The following ACHE variants were observed in gnomAD, a reference collection of about 807,000 sequenced individuals.
ACHE encodes acetylcholinesterase.
ACHE carries 19 observed loss-of-function variants against 53.9 expected under a neutral mutation model. The ratio of observed to expected loss-of-function variants is 0.35; its 90% CI spans 0.25 to 0.52. ACHE has a LOEUF of 0.52. ACHE is among the 20% of genes least tolerant of loss of function. The probability of loss-of-function intolerance (pLI) is 0.95; values close to 1 mark genes in which losing one functional copy is unlikely to be tolerated. For missense variants in ACHE, 605 were observed against 849.4 expected, an observed-to-expected ratio of 0.71 and a Z score of 3.58; for synonymous variants, 392 against 378.1, an observed-to-expected ratio of 1.04 and a Z score of -0.43.
In ACHE at chr7:100,892,141, A is replaced by G. The variant is rs573171936; in HGVS notation, c.1553+193T>C. On this transcript the variant is annotated intron_variant, in intron 3 of 4. Coordinates refer to ENST00000241069, the MANE Select transcript of ACHE (RefSeq NM_000665.5). The surrounding 1 kb of genome is among the most constrained non-coding windows in gnomAD (Gnocchi z 5.2). ...ACTTTCCTTTGCCTCTGTCTCTGCA[A>G]GACCCCCTCTGCCTTCTCTGTCTCC... is the stretch of plus-strand genomic sequence containing the variant. Among the ~76,000 whole-genome samples the G allele has an allele frequency of 1.3e-5, 2 of 151,798 alleles. No homozygotes were observed. Among genetic ancestry groups the G allele is most frequent in the African/African-American group, 4.8e-5 (2 of 41,378 alleles).
upstream of ACHE, chr7:100,896,602 C>T: frequency 3.7e-6 from 1 of 268,218 alleles, no homozygotes; most frequent in Non-Finnish European, 8.0e-6. Context: ...CTGGGCGAGG[C>T]CGCACTCCGC....
At chr7:100,891,803 T>C (rs1447927465) in intron 3 of ACHE, among the ~76,000 whole-genome samples, 3 of 148,008 alleles carry the variant, frequency 2.0e-5, no homozygotes, top group African/African-American at 7.6e-5. Context: ...TTTTTTTTTT[T>C]TTCCAGAGAT....
At chr7:100,894,358 G>T in intron 1 of ACHE, 106 bp from the exon 2 acceptor site, 2 of 762,122 alleles carry the variant, frequency 2.6e-6, no homozygotes, top group African/African-American at 1.8e-5. Flanking sequence ...TGCAGAGGAG[G>T]TGGGGCAGGT....
intron 3 of ACHE, 23 bp from the exon 4 acceptor site, chr7:100,891,361 A>T: frequency 6.6e-7 from 1 of 1,506,576 alleles, no homozygotes; most frequent in Non-Finnish European, 8.8e-7. Context: ...GGGAAGGCTC[A>T]GTCCAGACGG....
At chr7:100,896,646 TG>T, upstream of ACHE, 1 of 288,846 alleles carries the variant, frequency 3.5e-6, no homozygotes, top group Non-Finnish European at 7.2e-6. Context: ...CCCCCGCGGG[TG>T]GGTCTGTGCT....
rs71902456 is a variant in ACHE, at chr7:100,891,783, C to CTTTTTT, written c.1554-451_1554-446dup. 7.7e-5 allele frequency among the ~76,000 whole-genome samples: 8 copies of CTTTTTT among 103,472 alleles called. 1 individual carries two copies. Among genetic ancestry groups the CTTTTTT allele is most frequent in the Non-Finnish European group, 7.5e-5 (4 of 53,164 alleles). 67.9% of individuals were successfully genotyped at this position (103,472 alleles called of 152,430 possible). On this transcript the variant is annotated intron_variant, in intron 3 of 4. Coordinates refer to ENST00000241069, the MANE Select transcript of ACHE (RefSeq NM_000665.5). The stretch of plus-strand genomic sequence containing the variant: ...CTCCAACTCCTTTGTCTTGGTCTCC[C>CTTTTTT]TTTTTTTTTTTTTTTTTTTTTTCCA...
At chr7:100,894,339 TC>T (rs1790910846) in intron 1 of ACHE, 87 bp from the exon 2 acceptor site, 6 of 944,546 alleles carry the variant, frequency 6.4e-6, no homozygotes, top group Non-Finnish European at 8.7e-6. Context: ...CCAAGGGTTA[TC>T]GCTCAGCTGC....
intron 1 of ACHE, 74 bp from the exon 2 acceptor site, chr7:100,894,326 G>T: frequency 9.1e-7 from 1 of 1,094,464 alleles, no homozygotes; most frequent in Non-Finnish European, 1.2e-6. Flanking sequence ...GGGCACTGTC[G>T]GCCCAAGGGT....
At position 100,892,487 on chromosome 7, in the gene ACHE, G is replaced by A. The variant is rs771862488; in HGVS notation, c.1400C>T (p.Thr467Met). ...YAYVFEHRAS[T>M]LSWPLWMGVP... is the part of the protein sequence containing the mutation. ...CCCCATCCACAGGGGCCAGGAGAGC[G>A]TGGAAGCACGGTGTTCAAAGACGTA... is the stretch of plus-strand genomic sequence containing the variant. The change falls in exon 3 of 5, where the codon ACG (threonine) becomes ATG (methionine). Residue 467 changes from threonine to methionine, a missense_variant. Coordinates refer to ENST00000241069, the MANE Select transcript of ACHE (RefSeq NM_000665.5). The surrounding 1 kb of genome is among the most constrained non-coding windows in gnomAD (Gnocchi z 5.2). 7 of 1,588,196 alleles carry A rather than the reference G, an allele frequency of 4.4e-6. No homozygotes were observed. The highest frequency in any genetic ancestry group is 2.2e-5 in the South Asian group (2 of 89,396).
rs1158114364 is a variant in ACHE at position 100,892,253 on chromosome 7, G to A, written c.1553+81C>T. 7 of 1,439,472 alleles carry A rather than the reference G, an allele frequency of 4.9e-6. 1 individual carries two copies. The Middle Eastern group carries it at 6.5e-4, about 133-fold the overall frequency. The allele number at this position is 1,439,472 out of a possible 1,614,324, so 89.2% of individuals were successfully genotyped here. A position where few individuals can be genotyped will look rare whatever the true frequency, so the allele number is the denominator to read the frequency against. ...TGCCCCTGTCCCACCCGTCCTTTCT[G>A]TCTCCGTGTGTCTGCCTTTGTGTGT... On this transcript the variant is annotated intron_variant, in intron 3 of 4. Coordinates refer to ENST00000241069, the MANE Select transcript of ACHE (RefSeq NM_000665.5). This position sits in a 1 kb window ranked among gnomAD's most constrained non-coding sequence, Gnocchi z 5.2.
intron 4 of ACHE, chr7:100,890,953 C>T (rs564380667): frequency 1.4e-6 from 2 of 1,470,896 alleles, no homozygotes; most frequent in Non-Finnish European, 1.8e-6. Flanking sequence ...GGGAAGAGGC[C>T]GTGTTCACAG....
chr7:100,891,054 G>A, intron 4 of ACHE, 115 bp downstream of exon 4: 2 of 1,488,288 alleles, frequency 1.3e-6, no homozygotes, highest in Non-Finnish European at 1.8e-6. Context: ...CCTCCCCATG[G>A]GTGAAGCCTG....
chr7:100,893,158 T>TA lies in ACHE; in HGVS notation c.1068+6dup. On this transcript the variant is annotated splice_region_variant and intron_variant, in intron 2 of 4. Transcript: ENST00000241069. Reference sequence around the variant, plus strand: ...AGCCAGCTTCACGCCAGCTAGCCACTAGTTACCTGCAGGCCGTGGAAGTCT... The same window carrying TA: ...AGCCAGCTTCACGCCAGCTAGCCACTAAGTTACCTGCAGGCCGTGGAAGTCT... 6.2e-7 allele frequency: 1 copy of TA among 1,613,378 alleles called. No homozygotes were observed. The highest frequency in any genetic ancestry group is 1.1e-5 in the South Asian group (1 of 90,946).
rs544541845 is a variant in ACHE, at chr7:100,894,514, C to T, written c.-20-262G>A. 122 of 315,292 alleles carry T rather than the reference C, an allele frequency of 3.9e-4. No homozygotes were observed. In the East Asian group the frequency reaches 5.8e-3, roughly 15 times the overall value. The allele number at this position is 315,292 out of a possible 1,614,324, so 19.5% of individuals were successfully genotyped here. ...ACAGAGAGGAGCACCCTCTCTGCTC[C>T]GCAGGGGTCCACTGCCCTCACCTCT... On this transcript the variant is annotated intron_variant, in intron 1 of 4. Transcript: ENST00000241069.
rs113616334 is a variant in ACHE at position 100,890,423 on chromosome 7, T to C, written c.1724-88A>G. 306 of 1,519,016 alleles carry C rather than the reference T, an allele frequency of 2.0e-4. 2 individuals are homozygous for C. The African/African-American group carries it at 3.2e-3, about 16-fold the overall frequency. The allele number at this position is 1,519,016 out of a possible 1,614,324, so 94.1% of individuals were successfully genotyped here. A position where few individuals can be genotyped will look rare whatever the true frequency, so the allele number is the denominator to read the frequency against. Reference sequence around the variant, plus strand: ...ACATTTGGGCGGGTTGAAGGGGGGGTATGAGTGCAGGGAGGACGCACGGAG... The same window carrying C: ...ACATTTGGGCGGGTTGAAGGGGGGGCATGAGTGCAGGGAGGACGCACGGAG... On this transcript the variant is annotated intron_variant, in intron 4 of 4. Coordinates refer to ENST00000241069, the MANE Select transcript of ACHE (RefSeq NM_000665.5).
Position 100,892,658 on chromosome 7 carries a change from A to G in ACHE, c.1229T>C (p.Val410Ala). The G allele has an allele frequency of 1.9e-6, 3 of 1,613,390 alleles. No homozygotes were observed. The highest frequency in any genetic ancestry group is 2.5e-6 in the Non-Finnish European group (3 of 1,179,906). The change falls in exon 3 of 5, where the codon GTC (valine) becomes GCC (alanine). Residue 410 changes from valine to alanine, a missense_variant. Physicochemically the swap from Val to Ala is moderately conservative, Grantham distance 64. Transcript: ENST00000241069. The surrounding 1 kb of genome is among the most constrained non-coding windows in gnomAD (Gnocchi z 5.2). ...QVSDLAAEAV[V>A]LHYTDWLHPE... is the part of the protein sequence containing the mutation. Reference sequence around the variant, plus strand: ...ATGCAGCCAGTCTGTGTAATGCAGGACCACAGCCTCGGCTGCCAGGTCACT... The same window carrying G: ...ATGCAGCCAGTCTGTGTAATGCAGGGCCACAGCCTCGGCTGCCAGGTCACT...
rs545233711 is a variant in ACHE, at chr7:100,895,081, G to A, written c.-21+721C>T. Among the ~76,000 whole-genome samples the A allele has an allele frequency of 8.5e-5, 13 of 152,196 alleles. 1 individual carries two copies. In the South Asian group the frequency reaches 2.5e-3, roughly 29 times the overall value. On this transcript the variant is annotated intron_variant, in intron 1 of 4. Transcript: ENST00000241069. Reference sequence around the variant, plus strand: ...GCAGAGCCGCCTGAAGGGCGAGCCGGGACGCCTGCGTTCCCGGGACTCCGG... The same window carrying A: ...GCAGAGCCGCCTGAAGGGCGAGCCGAGACGCCTGCGTTCCCGGGACTCCGG...
In ACHE at chr7:100,895,830, G is replaced by T. The variant is rs548696367; in HGVS notation, c.-49C>A. ...AGGCGGCCGAGCCGGGCCGGGCCGG[G>T]CCGCGCCGGGAGCTGGAGGCGGCCG... On this transcript the variant is annotated 5_prime_UTR_variant, in exon 1 of 5. Transcript: ENST00000241069. The T allele has an allele frequency of 4.4e-3, 671 of 152,206 alleles. 4 individuals carry two copies. Among genetic ancestry groups the T allele is most frequent in the Non-Finnish European group, 7.8e-3 (530 of 68,032 alleles). 9.4% of individuals were successfully genotyped at this position (152,206 alleles called of 1,614,324 possible).
intron 4 of ACHE, chr7:100,890,572 G>C (rs1790610348): frequency 1.5e-6 from 2 of 1,370,826 alleles, no homozygotes; most frequent in East Asian, 2.8e-5. Flanking sequence ...GAGGAGAAAA[G>C]AATGACCGGA....
Sources: gnomAD v4.1 joint callset for allele counts (sites outside exome capture counted in the v4.1 genomes callset) on GRCh38, gnomAD v4.1.1 for gene constraint, Gnocchi (gnomAD v3.1) non-coding constraint, MANE v1.5 for transcripts, NCBI Gene and HGNC (gene_info 2026-07-23, HGNC 2026-07-21) for gene names.